POLA1: variants seen among roughly 807,000 people sequenced by gnomAD.
POLA1 encodes the protein DNA polymerase alpha catalytic subunit.
POLA1 carries 15 observed loss-of-function variants against 124.0 expected under a neutral mutation model. The observed-to-expected ratio is 0.12, with a 90% CI of 0.08 to 0.19. POLA1 has a LOEUF of 0.19. POLA1 is among the 10% of genes least tolerant of loss of function. The pLI, the probability that POLA1 is intolerant of heterozygous loss-of-function variation, is 1.00. For synonymous variants in POLA1, 408 were observed against 389.4 expected (o/e 1.05, Z -0.56); for missense variants, 886 against 1,103.4 (o/e 0.80, Z 2.79).
At chrX:24,957,561 C>T (rs2048120567) in intron 36 of POLA1, among the ~76,000 whole-genome samples, 1 of 110,623 alleles carries the variant, frequency 9.0e-6, no homozygotes, top group South Asian at 3.9e-4. Flanking sequence ...ATAATAGTCT[C>T]CTAGGTAAGT....
At chrX:24,873,988 T>G (rs761064079) in intron 34 of POLA1, among the ~76,000 whole-genome samples, 4 of 111,743 alleles carry the variant, frequency 3.6e-5, no homozygotes, top group Admixed American at 9.6e-5. Context: ...AACAGCCACA[T>G]ACAGCGACTG....
intron 26 of POLA1, among the ~76,000 whole-genome samples, chrX:24,800,327 A>G (rs1358816485): frequency 8.9e-6 from 1 of 112,423 alleles, no homozygotes; most frequent in African/African-American, 3.2e-5. Flanking sequence ...AGAAAAATGC[A>G]CGTAAGCACA....
At chrX:24,929,862 C>T (rs917538024) in intron 35 of POLA1, among the ~76,000 whole-genome samples, 1 of 111,641 alleles carries the variant, frequency 9.0e-6, no homozygotes. Flanking sequence ...AGTGTTTTGA[C>T]ATGGGTGGGA....
intron 36 of POLA1, among the ~76,000 whole-genome samples, chrX:24,955,031 C>G (rs888255210): frequency 8.9e-6 from 1 of 112,102 alleles, no homozygotes; most frequent in Non-Finnish European, 1.9e-5. Context: ...AGTCTACCAA[C>G]TTCATTTCCT....
intron 4 of POLA1, among the ~76,000 whole-genome samples, chrX:24,707,741 C>T (rs1444356604): frequency 1.8e-5 from 2 of 112,438 alleles, no homozygotes; most frequent in Admixed American, 1.9e-4. Context: ...CGCCTGTAAT[C>T]CCAGCACTTT....
intron 34 of POLA1, among the ~76,000 whole-genome samples, chrX:24,864,211 A>T (rs934158305): frequency 9.1e-6 from 1 of 110,490 alleles, no homozygotes; most frequent in Non-Finnish European, 1.9e-5. Flanking sequence ...TGAGCTCCTG[A>T]CCTCAGGTGA....
At chrX:24,725,175 A>C (rs1313335039) in intron 12 of POLA1, among the ~76,000 whole-genome samples, 4 of 108,521 alleles carry the variant, frequency 3.7e-5, no homozygotes, top group Non-Finnish European at 5.7e-5. Context: ...TAACTTGGAC[A>C]AGTGCTGAAT....
chrX:24,908,829 G>C (rs961161126), intron 35 of POLA1, among the ~76,000 whole-genome samples: 1 of 111,555 alleles, frequency 9.0e-6, no homozygotes, highest in African/African-American at 3.3e-5. Flanking sequence ...CACAATGGTT[G>C]AACTAGTTTA....
At chrX:24,740,481 CAG>C (rs1394992895) in intron 20 of POLA1, among the ~76,000 whole-genome samples, 1 of 112,079 alleles carries the variant, frequency 8.9e-6, no homozygotes, top group African/African-American at 3.2e-5. Flanking sequence ...AATCCAGAAT[CAG>C]AGTTATCCTG....
At chrX:24,729,191 G>A (rs994229034) in intron 15 of POLA1, among the ~76,000 whole-genome samples, 7 of 111,875 alleles carry the variant, frequency 6.3e-5, no homozygotes, top group African/African-American at 2.3e-4. Flanking sequence ...TGACACTACA[G>A]GTATTTTGGG....
chrX:24,991,169 CT>C (rs759526888), intron 36 of POLA1, among the ~76,000 whole-genome samples: 1,936 of 102,561 alleles, frequency 0.019, 18 homozygotes, highest in East Asian at 0.042. Flanking sequence ...CAATGTGTTT[CT>C]TTTTTTTTTT....
At chrX:24,917,768 A>T (rs1413019300) in intron 35 of POLA1, among the ~76,000 whole-genome samples, 2 of 112,090 alleles carry the variant, frequency 1.8e-5, no homozygotes, top group African/African-American at 3.2e-5. Context: ...GCTGGCTAGA[A>T]CAGGATAATG....
intron 26 of POLA1, among the ~76,000 whole-genome samples, chrX:24,757,937 T>C (rs981167689): frequency 8.9e-6 from 1 of 111,976 alleles, no homozygotes; most frequent in African/African-American, 3.2e-5. Flanking sequence ...TTTAAGTAAG[T>C]GGCATTTTAT....
At chrX:24,965,749 G>C (rs929842254) in intron 36 of POLA1, among the ~76,000 whole-genome samples, 5 of 112,365 alleles carry the variant, frequency 4.4e-5, no homozygotes, top group Non-Finnish European at 9.4e-5. Context: ...TTTGAGGAAA[G>C]GAAAAGGTGA....
At chrX:24,706,919 C>CT (rs949263968) in intron 4 of POLA1, among the ~76,000 whole-genome samples, 3 of 111,970 alleles carry the variant, frequency 2.7e-5, no homozygotes, top group African/African-American at 9.7e-5. Context: ...AAATCAGTAA[C>CT]TTTTTTATTA....
chrX:24,733,879 T>C, intron 17 of POLA1, 63 bp downstream of exon 17: 1 of 595,930 alleles, frequency 1.7e-6, no homozygotes, highest in East Asian at 3.4e-5. Flanking sequence ...GGGGGTGGTA[T>C]GGACTAGTAG....
intron 35 of POLA1, among the ~76,000 whole-genome samples, chrX:24,927,051 T>C (rs1478164370): frequency 9.2e-6 from 1 of 109,083 alleles, no homozygotes; most frequent in East Asian, 2.9e-4. Context: ...TTGGCCAGGC[T>C]GGTCTCGAAC....
At chrX:24,986,456 G>A (rs990233524) in intron 36 of POLA1, among the ~76,000 whole-genome samples, 11 of 109,119 alleles carry the variant, frequency 1.0e-4, no homozygotes, top group Admixed American at 4.9e-4. Context: ...GCAAGAGTAA[G>A]ACTTTGTCTC....
chrX:24,920,303 A>G (rs532275222), intron 35 of POLA1, among the ~76,000 whole-genome samples: 5 of 111,822 alleles, frequency 4.5e-5, no homozygotes, highest in African/African-American at 1.6e-4. Context: ...AAGCTTGTCT[A>G]TTTGGCTTGG....
Sources: gnomAD v4.1 joint callset for allele counts (sites outside exome capture counted in the v4.1 genomes callset) on GRCh38, gnomAD v4.1.1 for gene constraint, MANE v1.5 for transcripts, NCBI Gene and HGNC (gene_info 2026-07-23, HGNC 2026-07-21) for gene names.